The following CYP4V2 variants were observed in gnomAD, a reference collection of about 807,000 sequenced individuals.
The protein encoded by CYP4V2 is cytochrome P450 family 4 subfamily V member 2, also known as cytochrome P450 4V2.
In CYP4V2, 55 loss-of-function variants were observed where a neutral mutation model predicts 60.8. The observed-to-expected ratio is 0.90, with a 90% CI of 0.73 to 1.13. The LOEUF (loss-of-function observed/expected upper bound fraction) is 1.13. CYP4V2 is among the 50% of genes most tolerant of loss of function. The pLI is 0.00. For synonymous variants in CYP4V2, 239 were observed against 236.8 expected, an observed-to-expected ratio of 1.01 and a Z score of -0.08; for missense variants, 675 against 662.9, an observed-to-expected ratio of 1.02 and a Z score of -0.20.
At chr4:186,201,016 A>G in intron 6 of CYP4V2, 141 bp from the exon 7 acceptor site, 2 of 852,544 alleles carry the variant, frequency 2.3e-6, no homozygotes, top group Non-Finnish European at 3.6e-6. Context: ...CTGTATTTTC[A>G]CAAGAGCCTA....
In CYP4V2 at chr4:186,196,021, A is replaced by C. The variant is rs1206787340; in HGVS notation, c.346A>C (p.Lys116Gln). 8 of 1,613,734 alleles carry C rather than the reference A, an allele frequency of 5.0e-6. No individual in the cohort carries two copies. Among genetic ancestry groups the C allele is most frequent in the Non-Finnish European group, 6.8e-6 (8 of 1,179,770 alleles). ...ENVEVILTSS[K>Q]QIDKSSMYKF... is the part of the protein sequence containing the mutation. ...TCCTAAGGTAATTTTAACTAGTTCA[A>C]AGCAAATTGACAAATCCTCTATGTA... Residue 116 changes from lysine (K) to glutamine (Q), a missense_variant, in exon 3 of 11, where the codon AAG (lysine) becomes CAG (glutamine). By Grantham distance (53) the Lys-to-Gln change is moderately conservative. Coordinates refer to ENST00000378802, the MANE Select transcript of CYP4V2 (RefSeq NM_207352.4).
chr4:186,196,926 T>G lies in CYP4V2; in HGVS notation c.414-14T>G. ...TGTAGATATATTTTTTGTAACCACA[T>G]ATTTTATTTCTAGTACTGGAAACAA... is the stretch of plus-strand genomic sequence containing the variant. On this transcript the variant is annotated splice_polypyrimidine_tract_variant and intron_variant, in intron 3 of 10. Transcript: ENST00000378802. The G allele has an allele frequency of 6.2e-7, 1 of 1,611,136 alleles. No homozygotes were observed. The highest frequency in any genetic ancestry group is 8.5e-7 in the Non-Finnish European group (1 of 1,179,062).
chr4:186,194,520 G>T lies in CYP4V2; in HGVS notation c.235G>T (p.Glu79Ter). 6.2e-7 allele frequency: 1 copy of T among 1,614,102 alleles called. No individual in the cohort carries two copies. Among genetic ancestry groups the T allele is most frequent in the Non-Finnish European group, 8.5e-7 (1 of 1,180,002 alleles). ...DGREFFQQII[E>*]YTEEYRHMPL... ...CCCAGAATTTTTTCAGCAGATCATT[G>T]AGTACACAGAGGAATACCGCCACAT... The change falls in exon 2 of 11, where the codon GAG becomes TAG. Residue 79 changes from glutamate (E) to a stop codon, truncating the protein, a stop_gained. Transcript: ENST00000378802. LOFTEE classifies it high-confidence loss of function.
At chr4:186,209,779 G>C (rs1579977564) in intron 10 of CYP4V2, among the ~76,000 whole-genome samples, 1 of 151,896 alleles carries the variant, frequency 6.6e-6, no homozygotes, top group African/African-American at 2.4e-5. Flanking sequence ...TCTAAGGTAT[G>C]GGGGGGGCTT....
At position 186,210,824 on chromosome 4, in the gene CYP4V2, T is replaced by G; in HGVS notation, c.*183T>G. The G allele has an allele frequency of 1.4e-6, 1 of 725,788 alleles. No individual in the cohort carries two copies. Among genetic ancestry groups the G allele is most frequent in the East Asian group, 2.8e-5 (1 of 36,064 alleles). The allele number at this position is 725,788 out of a possible 1,614,324, so 45.0% of individuals were successfully genotyped here. On this transcript the variant is annotated 3_prime_UTR_variant, in exon 11 of 11. Coordinates refer to ENST00000378802, the MANE Select transcript of CYP4V2 (RefSeq NM_207352.4). ...AAAGTTTTGAGTTTTGTATTTTCTT[T>G]TTTCTTTTTTCTTTATTTTTTTTTT... is the stretch of plus-strand genomic sequence containing the variant.
chr4:186,197,237 C>G, intron 4 of CYP4V2, 107 bp downstream of exon 4: 3 of 1,376,096 alleles, frequency 2.2e-6, no homozygotes, highest in South Asian at 1.2e-5. Flanking sequence ...GAAAGGGTGA[C>G]GGGCTCTTCA....
At chr4:186,210,136 G>C (rs1471777405) in intron 10 of CYP4V2, among the ~76,000 whole-genome samples, 2 of 152,192 alleles carry the variant, frequency 1.3e-5, no homozygotes, top group African/African-American at 2.4e-5. Flanking sequence ...TGAAACGGGT[G>C]AATCTGAAGC....
Position 186,211,014 on chromosome 4 carries a change from T to C in CYP4V2, c.*373T>C. On this transcript the variant is annotated 3_prime_UTR_variant, in exon 11 of 11. Coordinates refer to ENST00000378802, the MANE Select transcript of CYP4V2 (RefSeq NM_207352.4). ...ACCATGCCTGGCTAATTTTTTTGTATTTTTAGTAGAAACAGGGTGTCACCA... is the reference window on the plus strand; with the variant it reads ...ACCATGCCTGGCTAATTTTTTTGTACTTTTAGTAGAAACAGGGTGTCACCA... 1 of 221,140 alleles carries C rather than the reference T, an allele frequency of 4.5e-6. No homozygotes were observed. Among genetic ancestry groups the C allele is most frequent in the East Asian group, 1.3e-4 (1 of 7,730 alleles). The allele number at this position is 221,140 out of a possible 1,614,324, so 13.7% of individuals were successfully genotyped here.
chr4:186,207,490 TATTA>T lies in CYP4V2; in HGVS notation c.1091-1368_1091-1365del, dbSNP rs748872066. ...TGTGTAGTGAGTTATTACTTTGCAT[TATTA>T]ATTAATAATTAATTATTAAATTATA... On this transcript the variant is annotated intron_variant, in intron 8 of 10. Transcript: ENST00000378802. Among the ~76,000 whole-genome samples the T allele has an allele frequency of 5.4e-5, 8 of 147,376 alleles. 1 individual carries two copies. The highest frequency in any genetic ancestry group is 2.7e-4 in the Admixed American group (4 of 14,812).
intron 6 of CYP4V2, among the ~76,000 whole-genome samples, chr4:186,200,642 A>G (rs1471250841): frequency 6.6e-6 from 1 of 152,142 alleles, no homozygotes; most frequent in Non-Finnish European, 1.5e-5. Context: ...TCGTGTGACA[A>G]TGAGCAGAGA....
At chr4:186,210,330 A>G in intron 10 of CYP4V2, 139 bp from the exon 11 acceptor site, 2 of 994,464 alleles carry the variant, frequency 2.0e-6, no homozygotes, top group Admixed American at 2.1e-5. Context: ...CATCTTTAAC[A>G]GGTGTTCCAA....
Position 186,191,762 on chromosome 4 carries a change from G to T in CYP4V2, c.-62G>T. ...GGCGGTGTGCGGCCGGCACCGCCTC[G>T]CACCACGCCCCCGCGGGCCCGCACT... On this transcript the variant is annotated 5_prime_UTR_variant, in exon 1 of 11. Transcript: ENST00000378802. 6 of 1,366,998 alleles carry T rather than the reference G, an allele frequency of 4.4e-6. No homozygotes were observed. Among genetic ancestry groups the T allele is most frequent in the Non-Finnish European group, 5.6e-6 (6 of 1,063,432 alleles). The allele number at this position is 1,366,998 out of a possible 1,614,324, so 84.7% of individuals were successfully genotyped here.
intron 7 of CYP4V2, chr4:186,202,031 T>C (rs1247384743): frequency 1.3e-5 from 2 of 152,356 alleles, no homozygotes; most frequent in Non-Finnish European, 2.9e-5. Flanking sequence ...TGTGAGCTGC[T>C]CTGCGGCAGC....
At chr4:186,204,961 G>T (rs1426935391) in intron 7 of CYP4V2, 1 of 561,368 alleles carries the variant, frequency 1.8e-6, no homozygotes, top group Non-Finnish European at 3.2e-6. Flanking sequence ...GCACAGGCAC[G>T]TCCCACCAGC....
At chr4:186,207,334 C>T (rs1273777737) in intron 8 of CYP4V2, among the ~76,000 whole-genome samples, 4 of 148,022 alleles carry the variant, frequency 2.7e-5, no homozygotes, top group Non-Finnish European at 1.5e-5. Flanking sequence ...ACATGAACCC[C>T]TCAGGGGGCG....
At chr4:186,209,768 T>G (rs922613113) in intron 10 of CYP4V2, among the ~76,000 whole-genome samples, 1 of 152,228 alleles carries the variant, frequency 6.6e-6, no homozygotes, top group African/African-American at 2.4e-5. Context: ...TACAGTCATA[T>G]TCTAAGGTAT....
At chr4:186,197,485 A>C (rs765384088) in intron 4 of CYP4V2, 48 bp from the exon 5 acceptor site, 1 of 1,580,052 alleles carries the variant, frequency 6.3e-7, no homozygotes, top group South Asian at 1.1e-5. Context: ...AACACGAGAT[A>C]ACTAACGTGC....
chr4:186,205,321 C>T lies in CYP4V2; in HGVS notation c.1090+19C>T. 1 of 1,605,342 alleles carries T rather than the reference C, an allele frequency of 6.2e-7. No homozygotes were observed. Among genetic ancestry groups the T allele is most frequent in the Middle Eastern group, 1.7e-4 (1 of 6,042 alleles). On this transcript the variant is annotated intron_variant, in intron 8 of 10. Coordinates refer to ENST00000378802, the MANE Select transcript of CYP4V2 (RefSeq NM_207352.4). ...GTGTTTGGTATGTTTGGCCCCTTCA[C>T]TGGTTATATTGTGGTACTAAGTCTG...
At chr4:186,205,113 C>A in intron 7 of CYP4V2, 87 bp from the exon 8 acceptor site, 1 of 1,250,970 alleles carries the variant, frequency 8.0e-7, no homozygotes, top group Non-Finnish European at 1.2e-6. Flanking sequence ...TCATCAAATC[C>A]AGAGACAATT....
Sources: allele counts gnomAD v4.1 joint callset (sites outside exome capture counted in the v4.1 genomes callset), GRCh38; gene constraint gnomAD v4.1.1; transcripts MANE v1.5; gene names NCBI Gene and HGNC (gene_info 2026-07-23, HGNC 2026-07-21).